Variants in KAZN observed in about 807,000 individuals in gnomAD.
The protein encoded by KAZN is kazrin.
KAZN carries 40 observed loss-of-function variants against 87.4 expected under a neutral mutation model. The ratio of observed to expected loss-of-function variants is 0.46; its 90% confidence interval spans 0.36 to 0.60. KAZN has a LOEUF of 0.60. Ranked by LOEUF, KAZN falls within the 20% of genes least tolerant of loss-of-function variation. The probability of loss-of-function intolerance (pLI) is 0.00; values close to 1 mark genes in which losing one functional copy is unlikely to be tolerated. For synonymous variants in KAZN, 466 were observed against 458.3 expected, an observed-to-expected ratio of 1.02 and a Z score of -0.22; for missense variants, 898 against 1,073.9, an observed-to-expected ratio of 0.84 and a Z score of 2.29.
At chr1:14,229,984 G>A (rs1164154190) in intron 2 of KAZN, among the ~76,000 whole-genome samples, 2 of 152,176 alleles carry the variant, frequency 1.3e-5, no homozygotes, top group Admixed American at 6.5e-5. Flanking sequence ...CACGTTCTCC[G>A]AGAGAACCTT....
chr1:14,744,668 C>T (rs1471263674), intron 1 of KAZN, among the ~76,000 whole-genome samples: 5 of 152,226 alleles, frequency 3.3e-5, no homozygotes, highest in South Asian at 4.2e-4. Flanking sequence ...CCCAGGAGTT[C>T]GAGGCTGCAG....
chr1:14,656,986 C>T (rs1296711195), intron 1 of KAZN, among the ~76,000 whole-genome samples: 1 of 152,030 alleles, frequency 6.6e-6, no homozygotes, highest in South Asian at 2.1e-4. Flanking sequence ...ATGATTCTGG[C>T]CACTACACAG....
At chr1:14,197,761 A>G (rs1244636868) in intron 2 of KAZN, among the ~76,000 whole-genome samples, 1 of 152,224 alleles carries the variant, frequency 6.6e-6, no homozygotes, top group Non-Finnish European at 1.5e-5. Context: ...AGACTAGAAG[A>G]ATGAACAAAT....
intron 2 of KAZN, among the ~76,000 whole-genome samples, chr1:14,273,613 T>C (rs182355215): frequency 1.3e-5 from 2 of 152,228 alleles, no homozygotes; most frequent in Admixed American, 1.3e-4. Context: ...CTAATAAATA[T>C]ACAGAAAGGC....
At chr1:14,301,219 T>C (rs1654528649) in intron 2 of KAZN, among the ~76,000 whole-genome samples, 1 of 152,196 alleles carries the variant, frequency 6.6e-6, no homozygotes, top group Non-Finnish European at 1.5e-5. Context: ...AAGACACTCC[T>C]TGGAATTCAC....
chr1:14,328,116 C>T (rs1300135041), intron 2 of KAZN, among the ~76,000 whole-genome samples: 1 of 152,114 alleles, frequency 6.6e-6, no homozygotes, highest in Non-Finnish European at 1.5e-5. Context: ...CTATTTCCTC[C>T]CCAATGGAGT....
chr1:14,907,894 G>A (rs1000413738), intron 1 of KAZN, among the ~76,000 whole-genome samples: 7 of 152,132 alleles, frequency 4.6e-5, no homozygotes, highest in Admixed American at 1.3e-4. Context: ...ATGAGCCCAC[G>A]AGGGAAAATC....
intron 1 of KAZN, among the ~76,000 whole-genome samples, chr1:13,951,837 ATC>A (rs1259092137): frequency 6.6e-6 from 1 of 152,110 alleles, no homozygotes; most frequent in Non-Finnish European, 1.5e-5. Flanking sequence ...TTTTATAAAA[ATC>A]TCTCAAGTAA....
At chr1:14,142,833 G>A (rs1407217204) in intron 1 of KAZN, among the ~76,000 whole-genome samples, 1 of 152,176 alleles carries the variant, frequency 6.6e-6, no homozygotes, top group Non-Finnish European at 1.5e-5. Flanking sequence ...AATCACAGGA[G>A]TTGCCTCTAC....
chr1:14,230,114 A>G (rs141361523), intron 2 of KAZN, among the ~76,000 whole-genome samples: 43 of 152,348 alleles, frequency 2.8e-4, no homozygotes, highest in African/African-American at 1.0e-3. Context: ...TTTAATTTTA[A>G]TTAATTTAAA....
chr1:14,519,798 A>G (rs143790130), intron 2 of KAZN, among the ~76,000 whole-genome samples: 39 of 152,230 alleles, frequency 2.6e-4, no homozygotes, highest in East Asian at 1.7e-3. Context: ...CCAGAGTCCC[A>G]TGTGTCTGGC....
At chr1:14,886,481 G>GAGAGAC (rs1557589752) in intron 1 of KAZN, among the ~76,000 whole-genome samples, 1 of 151,660 alleles carries the variant, frequency 6.6e-6, no homozygotes, top group African/African-American at 2.4e-5. Context: ...GACAGAGAGA[G>GAGAGAC]AGAGACAGAG....
At chr1:14,637,164 G>T (rs1680054762) in intron 1 of KAZN, among the ~76,000 whole-genome samples, 1 of 152,140 alleles carries the variant, frequency 6.6e-6, no homozygotes, top group Non-Finnish European at 1.5e-5. Context: ...CAGTGAAAAT[G>T]GAGCCAGAAA....
chr1:14,964,683 C>T (rs572165410), intron 2 of KAZN, among the ~76,000 whole-genome samples: 37 of 152,196 alleles, frequency 2.4e-4, no homozygotes, highest in Admixed American at 2.2e-3. Context: ...TGTTGGGCGA[C>T]GCTTGTTAAC....
At chr1:15,092,073 A>ATTTTTTTTTTT (rs58871336) in intron 8 of KAZN, among the ~76,000 whole-genome samples, 8 of 75,472 alleles carry the variant, frequency 1.1e-4, no homozygotes, top group African/African-American at 1.7e-4. Context: ...TTTTTTTTTG[A>ATTTTTTTTTTT]TTTTTTTTTT....
chr1:14,775,218 C>G (rs150321856), intron 1 of KAZN, among the ~76,000 whole-genome samples: 1 of 152,328 alleles, frequency 6.6e-6, no homozygotes, highest in African/African-American at 2.4e-5. Context: ...GTTTTCTCCT[C>G]CATGTTCTGT....
intron 1 of KAZN, among the ~76,000 whole-genome samples, chr1:13,918,059 C>T (rs1639925543): frequency 6.6e-6 from 1 of 152,204 alleles, no homozygotes; most frequent in Non-Finnish European, 1.5e-5. Flanking sequence ...GCTAACACAA[C>T]ATTCATTCTG....
intron 2 of KAZN, among the ~76,000 whole-genome samples, chr1:14,982,124 G>GATA (rs1666304191): frequency 6.6e-6 from 1 of 152,132 alleles, no homozygotes; most frequent in Non-Finnish European, 1.5e-5. Flanking sequence ...TTATCATGCC[G>GATA]ACTTTACAGT....
Position 14,773,814 on chromosome 1 carries a change from G to T in KAZN, c.226+174591G>T, listed in dbSNP as rs1317431431. The stretch of plus-strand genomic sequence containing the variant: ...GGAGCTGCGGCAGGTCCCAGCCCAG[G>T]CCAGGCCTGCTCTCCTCCCCTCCCC... On this transcript the variant is annotated intron_variant, in intron 1 of 14. Transcript: ENST00000376030. The surrounding 1 kb of genome is among the most constrained non-coding windows in gnomAD (Gnocchi z 5.9). Among the ~76,000 whole-genome samples the T allele has an allele frequency of 1.3e-5, 2 of 152,144 alleles. No individual in the cohort carries two copies. Among genetic ancestry groups the T allele is most frequent in the Non-Finnish European group, 2.9e-5 (2 of 68,018 alleles).
Sources: allele counts gnomAD v4.1 joint callset (sites outside exome capture counted in the v4.1 genomes callset), GRCh38; gene constraint gnomAD v4.1.1; non-coding constraint Gnocchi (gnomAD v3.1); transcripts MANE v1.5; gene names NCBI Gene and HGNC (gene_info 2026-07-23, HGNC 2026-07-21).